RPS6KA1: variants seen among roughly 807,000 people sequenced by gnomAD.
RPS6KA1 encodes the protein ribosomal protein S6 kinase A1, also known as ribosomal protein S6 kinase alpha-1.
A neutral mutation model predicts 91.3 loss-of-function variants in RPS6KA1; 48 were observed. The observed-to-expected ratio is 0.53, with a 90% CI of 0.42 to 0.67. The LOEUF is 0.67. RPS6KA1 is among the 30% of genes least tolerant of loss of function. The probability of loss-of-function intolerance (pLI) is 0.00; values close to 1 mark genes in which losing one functional copy is unlikely to be tolerated. For missense variants in RPS6KA1, 719 were observed against 960.5 expected, an observed-to-expected ratio of 0.75 and a Z score of 3.32; for synonymous variants, 359 against 384.7, an observed-to-expected ratio of 0.93 and a Z score of 0.78.
At chr1:26,542,729 G>A (rs2075958140) in intron 2 of RPS6KA1, among the ~76,000 whole-genome samples, 1 of 152,148 alleles carries the variant, frequency 6.6e-6, no homozygotes, top group Non-Finnish European at 1.5e-5. Context: ...CATAGCCATG[G>A]GAAGGATGCT....
chr1:26,546,169 C>A, intron 2 of RPS6KA1: 1 of 991,784 alleles, frequency 1.0e-6, no homozygotes, highest in Non-Finnish European at 1.4e-6. Context: ...TGGACCCTGC[C>A]CAGACTTGCT....
In RPS6KA1 at chr1:26,558,666, G is replaced by A. The variant is rs1288980491; in HGVS notation, c.1085-141G>A. ...TATGAGCAGTTGGGCCAAGGCCTGT[G>A]ATGGACAGGCCCTCTGCAGGCTCCC... On this transcript the variant is annotated intron_variant, in intron 13 of 21. Transcript: ENST00000374168. The surrounding 1 kb of genome is among the most constrained non-coding windows in gnomAD (Gnocchi z 4.0). The A allele has an allele frequency of 4.3e-6, 4 of 923,284 alleles. No individual in the cohort carries two copies. Among genetic ancestry groups the A allele is most frequent in the Non-Finnish European group, 6.7e-6 (4 of 597,400 alleles). 57.2% of individuals were successfully genotyped at this position (923,284 alleles called of 1,614,324 possible). A position where few individuals can be genotyped will look rare whatever the true frequency, so the allele number is the denominator to read the frequency against.
rs2075937619 is a variant in RPS6KA1 at position 26,540,322 on chromosome 1, G to T, written c.108+3353G>T. ...AGATTTGCCCGGGAGCACCCAGCTA[G>T]TGAGTGGCCAGCTCTTCCTGACTTC... On this transcript the variant is annotated intron_variant, in intron 2 of 21. Coordinates refer to ENST00000374168, the MANE Select transcript of RPS6KA1 (RefSeq NM_002953.4). This position sits in a 1 kb window ranked among gnomAD's most constrained non-coding sequence, Gnocchi z 4.2. 6.6e-6 allele frequency among the ~76,000 whole-genome samples: 1 copy of T among 152,198 alleles called. No individual in the cohort carries two copies. The highest frequency in any genetic ancestry group is 1.5e-5 in the Non-Finnish European group (1 of 68,034).
rs905701199 is a variant in RPS6KA1 at position 26,574,575 on chromosome 1, G to A, written c.*374G>A. 21 of 413,880 alleles carry A rather than the reference G, an allele frequency of 5.1e-5. No individual in the cohort carries two copies. The Admixed American group carries it at 5.8e-4, about 11-fold the overall frequency. The allele number at this position is 413,880 out of a possible 1,614,324, so 25.6% of individuals were successfully genotyped here. A position where few individuals can be genotyped will look rare whatever the true frequency, so the allele number is the denominator to read the frequency against. On this transcript the variant is annotated 3_prime_UTR_variant, in exon 22 of 22. Transcript: ENST00000374168. The surrounding 1 kb of genome is among the most constrained non-coding windows in gnomAD (Gnocchi z 4.3). ...CTCTGAGACTCTTTAGAGCAGCTTT[G>A]GGATCCCACCCTGGGGACCCCCACG...
In RPS6KA1 at chr1:26,561,016, A is replaced by G; in HGVS notation, c.1342-29A>G. 1 of 1,609,170 alleles carries G rather than the reference A, an allele frequency of 6.2e-7. No individual in the cohort carries two copies. The highest frequency in any genetic ancestry group is 8.5e-7 in the Non-Finnish European group (1 of 1,176,394). Reference sequence around the variant, plus strand: ...AAGGACCCTGGACCCTGTCACCCTGACACTGCCACATGCACCCCCTTTCTT... The same window carrying G: ...AAGGACCCTGGACCCTGTCACCCTGGCACTGCCACATGCACCCCCTTTCTT... On this transcript the variant is annotated intron_variant, in intron 15 of 21. Transcript: ENST00000374168. The surrounding 1 kb of genome is among the most constrained non-coding windows in gnomAD (Gnocchi z 5.7).
chr1:26,572,758 G>A (rs556411266), intron 20 of RPS6KA1, among the ~76,000 whole-genome samples: 1 of 152,280 alleles, frequency 6.6e-6, no homozygotes, highest in African/African-American at 2.4e-5. Context: ...TGGTCATTGG[G>A]AACCTGTATG....
chr1:26,556,875 C>T lies in RPS6KA1; in HGVS notation c.982-123C>T, dbSNP rs1047571398. ...AAGACAAGGGCTGGCCTCCTGAGGG[C>T]AAGCAATTCCGAGAGCTGGGCAATA... is the stretch of plus-strand genomic sequence containing the variant. On this transcript the variant is annotated intron_variant, in intron 12 of 21. Coordinates refer to ENST00000374168, the MANE Select transcript of RPS6KA1 (RefSeq NM_002953.4). 18 of 1,169,868 alleles carry T rather than the reference C, an allele frequency of 1.5e-5. 1 individual carries two copies. In the Admixed American group the frequency reaches 2.9e-4, roughly 19 times the overall value. 72.5% of individuals were successfully genotyped at this position (1,169,868 alleles called of 1,614,324 possible).
At chr1:26,541,705 G>A (rs186074928) in intron 2 of RPS6KA1, among the ~76,000 whole-genome samples, 1 of 152,378 alleles carries the variant, frequency 6.6e-6, no homozygotes. Context: ...TCACCTGCCT[G>A]GAGGCACGCT....
chr1:26,533,207 G>A (rs2075880322), intron 1 of RPS6KA1, among the ~76,000 whole-genome samples: 1 of 152,176 alleles, frequency 6.6e-6, no homozygotes, highest in African/African-American at 2.4e-5. Flanking sequence ...AGCCTCCTGA[G>A]TAGCTGGGAC....
chr1:26,571,296 C>G lies in RPS6KA1; in HGVS notation c.1591-153C>G. On this transcript the variant is annotated intron_variant, in intron 17 of 21. Coordinates refer to ENST00000374168, the MANE Select transcript of RPS6KA1 (RefSeq NM_002953.4). The surrounding 1 kb of genome is among the most constrained non-coding windows in gnomAD (Gnocchi z 5.1). ...GAGTCAGTAGCAGCAGCAATAAGAC[C>G]ATCATTTCAGCCCCTTCCCCTTCTC... 1.5e-6 allele frequency: 1 copy of G among 673,040 alleles called. No homozygotes were observed. Among genetic ancestry groups the G allele is most frequent in the South Asian group, 1.9e-5 (1 of 53,034 alleles). 41.7% of individuals were successfully genotyped at this position (673,040 alleles called of 1,614,324 possible).
Position 26,574,064 on chromosome 1 carries a change from C to T in RPS6KA1, c.2086-15C>T. 1 of 1,613,434 alleles carries T rather than the reference C, an allele frequency of 6.2e-7. No individual in the cohort carries two copies. Among genetic ancestry groups the T allele is most frequent in the Non-Finnish European group, 8.5e-7 (1 of 1,179,492 alleles). On this transcript the variant is annotated splice_polypyrimidine_tract_variant and intron_variant, in intron 21 of 21. Coordinates refer to ENST00000374168, the MANE Select transcript of RPS6KA1 (RefSeq NM_002953.4). The surrounding 1 kb of genome is among the most constrained non-coding windows in gnomAD (Gnocchi z 4.3). ...CTCCCACCATTGTGACCTGACCTCC[C>T]CACTTCTCTTTCAGGGAGCCATGGC... is the stretch of plus-strand genomic sequence containing the variant.
intron 6 of RPS6KA1, 88 bp from the exon 7 acceptor site, chr1:26,553,303 T>C: frequency 1.1e-6 from 1 of 886,908 alleles, no homozygotes; most frequent in Admixed American, 1.9e-5. Flanking sequence ...AGGGTGGCTC[T>C]TCAGGACCAG....
chr1:26,554,223 G>T lies in RPS6KA1; in HGVS notation c.585G>T (p.Leu195=). The T allele has an allele frequency of 6.4e-7, 1 of 1,555,720 alleles. No individual in the cohort carries two copies. The highest frequency in any genetic ancestry group is 1.2e-5 in the South Asian group (1 of 84,262). The part of the protein sequence containing the change: ...YRDLKPENIL[L]DEEGHIKLTD... ...TATTTCTCTATTACAGCATCCTTCT[G>T]GATGAGGAGGGCCACATCAAACTCA... Residue 195 remains leucine, a synonymous_variant, in exon 8 of 22, where the codon CTG becomes CTT. Transcript: ENST00000374168. This position sits in a 1 kb window ranked among gnomAD's most constrained non-coding sequence, Gnocchi z 4.6.
chr1:26,571,622 A>G lies in RPS6KA1; in HGVS notation c.1752+12A>G. 1 of 1,613,374 alleles carries G rather than the reference A, an allele frequency of 6.2e-7. No homozygotes were observed. Among genetic ancestry groups the G allele is most frequent in the Non-Finnish European group, 8.5e-7 (1 of 1,179,628 alleles). ...TTGTGGCGCCTGAGGTGAGTGGCCCAGCCTCCTCAGCTGTAAGAGTGAGGG... is the reference window on the plus strand; with the variant it reads ...TTGTGGCGCCTGAGGTGAGTGGCCCGGCCTCCTCAGCTGTAAGAGTGAGGG... On this transcript the variant is annotated intron_variant, in intron 18 of 21. Transcript: ENST00000374168. This position sits in a 1 kb window ranked among gnomAD's most constrained non-coding sequence, Gnocchi z 5.1.
chr1:26,567,238 C>T (rs2076210736), intron 17 of RPS6KA1, among the ~76,000 whole-genome samples: 1 of 151,980 alleles, frequency 6.6e-6, no homozygotes, highest in South Asian at 2.1e-4. Flanking sequence ...GTTGCCCAGG[C>T]TGGCCTCAAA....
chr1:26,560,451 G>C (rs2076143820), intron 14 of RPS6KA1, among the ~76,000 whole-genome samples: 1 of 152,204 alleles, frequency 6.6e-6, no homozygotes, highest in Non-Finnish European at 1.5e-5. Context: ...CTCCATGTGT[G>C]TTGTGACCCT....
At position 26,547,082 on chromosome 1, in the gene RPS6KA1, T is replaced by A; in HGVS notation, c.225+99T>A. ...CCCAAAGGATCAGAGGTCACCTTGG[T>A]ACCCAGGGAGAGCAAAAAGGTCAGC... On this transcript the variant is annotated intron_variant, in intron 3 of 21. Coordinates refer to ENST00000374168, the MANE Select transcript of RPS6KA1 (RefSeq NM_002953.4). The surrounding 1 kb of genome is among the most constrained non-coding windows in gnomAD (Gnocchi z 4.1). 3 of 1,520,808 alleles carry A rather than the reference T, an allele frequency of 2.0e-6. No homozygotes were observed. The highest frequency in any genetic ancestry group is 1.8e-6 in the Non-Finnish European group (2 of 1,096,282). 94.2% of individuals were successfully genotyped at this position (1,520,808 alleles called of 1,614,324 possible).
intron 2 of RPS6KA1, among the ~76,000 whole-genome samples, chr1:26,545,461 G>T (rs760075816): frequency 9.2e-5 from 14 of 151,362 alleles, no homozygotes; most frequent in Non-Finnish European, 2.9e-5. Context: ...CAGGCATGAT[G>T]GATGCCATTC....
In RPS6KA1 at chr1:26,574,235, A is replaced by G; in HGVS notation, c.*34A>G. On this transcript the variant is annotated 3_prime_UTR_variant, in exon 22 of 22. Transcript: ENST00000374168. This position sits in a 1 kb window ranked among gnomAD's most constrained non-coding sequence, Gnocchi z 4.3. Reference sequence around the variant, plus strand: ...GGCATTCGGGCCACAGGGCGGTGCTAGCTTGACACAGTCAGCATGCTTCCC... The same window carrying G: ...GGCATTCGGGCCACAGGGCGGTGCTGGCTTGACACAGTCAGCATGCTTCCC... 6.2e-7 allele frequency: 1 copy of G among 1,613,140 alleles called. No homozygotes were observed. Among genetic ancestry groups the G allele is most frequent in the Non-Finnish European group, 8.5e-7 (1 of 1,179,320 alleles).
Sources: gnomAD v4.1 joint callset for allele counts (sites outside exome capture counted in the v4.1 genomes callset) on GRCh38, gnomAD v4.1.1 for gene constraint, Gnocchi (gnomAD v3.1) non-coding constraint, MANE v1.5 for transcripts, NCBI Gene and HGNC (gene_info 2026-07-23, HGNC 2026-07-21) for gene names.